Variants in DACH2 observed in about 807,000 individuals in gnomAD.
DACH2 encodes the protein dachshund homolog 2.
A neutral mutation model predicts 35.8 loss-of-function variants in DACH2; 17 were observed. The ratio of observed to expected loss-of-function variants is 0.48; its 90% CI spans 0.33 to 0.71. The LOEUF is 0.71. Ranked by LOEUF, DACH2 falls within the 30% of genes least tolerant of loss-of-function variation. The pLI, the probability that DACH2 is intolerant of heterozygous loss-of-function variation, is 0.02. For synonymous variants in DACH2, 195 were observed against 177.3 expected, an observed-to-expected ratio of 1.10 and a Z score of -0.79; for missense variants, 469 against 472.7, an observed-to-expected ratio of 0.99 and a Z score of 0.07.
At chrX:86,440,823 G>C (rs190227687) in intron 2 of DACH2, among the ~76,000 whole-genome samples, 102 of 111,164 alleles carry the variant, frequency 9.2e-4, no homozygotes, top group African/African-American at 3.3e-3. Context: ...TTTGTTGTGA[G>C]AACATTAAAA....
At chrX:86,426,403 A>G (rs948863002) in intron 2 of DACH2, among the ~76,000 whole-genome samples, 2 of 111,245 alleles carry the variant, frequency 1.8e-5, no homozygotes, top group African/African-American at 3.3e-5. Flanking sequence ...TGGCTGTGTC[A>G]TCTATGATGT....
intron 3 of DACH2, among the ~76,000 whole-genome samples, chrX:86,596,534 A>T (rs775903989): frequency 2.6e-4 from 29 of 111,069 alleles, no homozygotes; most frequent in Non-Finnish European, 5.3e-4. Context: ...TGTCTATTCA[A>T]ATCCTTTGTC....
At chrX:86,778,892 C>T (rs1460214856) in intron 7 of DACH2, among the ~76,000 whole-genome samples, 2 of 111,842 alleles carry the variant, frequency 1.8e-5, no homozygotes, top group African/African-American at 6.5e-5. Context: ...AGGTGTGAGC[C>T]ACCATGCCTC....
intron 2 of DACH2, among the ~76,000 whole-genome samples, chrX:86,440,650 G>A (rs987026425): frequency 9.0e-6 from 1 of 110,990 alleles, no homozygotes; most frequent in Admixed American, 9.7e-5. Context: ...TTAATTCATT[G>A]TCCTTGTTCT....
intron 2 of DACH2, among the ~76,000 whole-genome samples, chrX:86,389,387 T>C (rs2036167426): frequency 8.9e-6 from 1 of 112,542 alleles, no homozygotes; most frequent in African/African-American, 3.2e-5. Context: ...ACTGAACTTG[T>C]AGCAGCACAG....
chrX:86,723,352 T>C (rs2041429924), intron 6 of DACH2, among the ~76,000 whole-genome samples: 1 of 110,226 alleles, frequency 9.1e-6, no homozygotes, highest in African/African-American at 3.3e-5. Flanking sequence ...TTTTTTGCTT[T>C]TTTGCTTTTC....
intron 1 of DACH2, among the ~76,000 whole-genome samples, chrX:86,179,884 G>A: frequency 9.2e-6 from 1 of 108,967 alleles, no homozygotes; most frequent in Non-Finnish European, 1.9e-5. Context: ...AAATTAATCA[G>A]TCAGGACATG....
At position 86,316,907 on chromosome X, in the gene DACH2, C is replaced by A. The variant is rs764953724; in HGVS notation, c.489-59917C>A. On this transcript the variant is annotated intron_variant, in intron 1 of 11. Coordinates refer to ENST00000373125, the MANE Select transcript of DACH2 (RefSeq NM_053281.3). ...GCCGGAGGCAGGTGGATCGCGAGGT[C>A]AGAAGTTCAATACCACCCTGGCCAA... 5.4e-5 allele frequency among the ~76,000 whole-genome samples: 6 copies of A among 110,410 alleles called. No homozygotes were observed. The East Asian group carries it at 1.7e-3, about 32-fold the overall frequency.
chrX:86,315,701 G>A (rs1466065836), intron 1 of DACH2, among the ~76,000 whole-genome samples: 1 of 109,198 alleles, frequency 9.2e-6, no homozygotes, highest in African/African-American at 3.3e-5. Context: ...ATTGGAAGAT[G>A]TAACTGCAGA....
chrX:86,289,586 A>C (rs1002971655), intron 1 of DACH2, among the ~76,000 whole-genome samples: 1,187 of 55,629 alleles, frequency 0.021, 42 homozygotes, highest in African/African-American at 0.083. Context: ...CCCACCCCAC[A>C]ACAGTCCCCA....
chrX:86,240,217 A>G (rs1484425902), intron 1 of DACH2, among the ~76,000 whole-genome samples: 1 of 111,403 alleles, frequency 9.0e-6, no homozygotes, highest in Non-Finnish European at 1.9e-5. Context: ...TGAAAGATTA[A>G]CCTGGTTAAG....
chrX:86,241,105 G>C (rs569515190), intron 1 of DACH2, among the ~76,000 whole-genome samples: 11 of 112,270 alleles, frequency 9.8e-5, no homozygotes, highest in African/African-American at 3.6e-4. Flanking sequence ...TGAAAATGTG[G>C]AGTCAACTTT....
At chrX:86,484,870 A>G (rs1310488856) in intron 2 of DACH2, among the ~76,000 whole-genome samples, 1 of 112,122 alleles carries the variant, frequency 8.9e-6, no homozygotes, top group Non-Finnish European at 1.9e-5. Flanking sequence ...TACTATGCAA[A>G]ATTAAACAAT....
intron 3 of DACH2, among the ~76,000 whole-genome samples, chrX:86,537,669 AT>A (rs763424731): frequency 9.0e-6 from 1 of 111,025 alleles, no homozygotes; most frequent in East Asian, 2.8e-4. Flanking sequence ...CTTTTTAGTT[AT>A]TTTTTTTCAC....
chrX:86,580,355 T>C lies in DACH2; in HGVS notation c.640+65964T>C, dbSNP rs184598968. Among the ~76,000 whole-genome samples, 4 of 111,737 alleles carry C rather than the reference T, an allele frequency of 3.6e-5. No homozygotes were observed. The East Asian group carries it at 1.1e-3, about 32-fold the overall frequency. ...TCTCACCTCTAAATGACTGTACTAGTTCCTGAACTAGTATTGAACTTAACT... is the reference window on the plus strand; with the variant it reads ...TCTCACCTCTAAATGACTGTACTAGCTCCTGAACTAGTATTGAACTTAACT... On this transcript the variant is annotated intron_variant, in intron 3 of 11. Transcript: ENST00000373125.
At chrX:86,252,691 C>T (rs746596716) in intron 1 of DACH2, among the ~76,000 whole-genome samples, 190 of 111,237 alleles carry the variant, frequency 1.7e-3, no homozygotes, top group African/African-American at 5.0e-3. Flanking sequence ...TATTTTGTTC[C>T]ATTAGTCTAT....
chrX:86,423,452 G>T (rs1369677693), intron 2 of DACH2, among the ~76,000 whole-genome samples: 2 of 110,114 alleles, frequency 1.8e-5, no homozygotes, highest in Admixed American at 9.7e-5. Flanking sequence ...ATGCCTGTTT[G>T]CCCTTTTTAT....
At chrX:86,604,451 ATG>A (rs1210374988) in intron 3 of DACH2, among the ~76,000 whole-genome samples, 1 of 111,823 alleles carries the variant, frequency 8.9e-6, no homozygotes, top group Non-Finnish European at 1.9e-5. Context: ...TTGTCACATT[ATG>A]TTCTTGAATA....
chrX:86,693,944 AAACAC>A (rs1318914614), intron 4 of DACH2, among the ~76,000 whole-genome samples: 23 of 111,568 alleles, frequency 2.1e-4, no homozygotes, highest in African/African-American at 7.2e-4. Flanking sequence ...AAGTGAAAAT[AAACAC>A]AATTTTCAAT....
Sources: allele counts gnomAD v4.1 joint callset (sites outside exome capture counted in the v4.1 genomes callset), GRCh38; gene constraint gnomAD v4.1.1; transcripts MANE v1.5; gene names NCBI Gene and HGNC (gene_info 2026-07-23, HGNC 2026-07-21).